The following ASTN2 variants were observed in gnomAD, a reference collection of about 807,000 sequenced individuals.
ASTN2 encodes astrotactin-2.
ASTN2 carries 54 observed loss-of-function variants against 139.8 expected under a neutral mutation model. The ratio of observed to expected loss-of-function variants is 0.39; its 90% CI spans 0.31 to 0.48. The LOEUF (loss-of-function observed/expected upper bound fraction) is 0.48, where lower values mean the gene tolerates loss of function less well. Ranked by LOEUF, ASTN2 falls within the 20% of genes least tolerant of loss-of-function variation. The pLI, the probability that ASTN2 is intolerant of heterozygous loss-of-function variation, is 0.95. For missense variants in ASTN2, 1,565 were observed against 1,725.1 expected, an observed-to-expected ratio of 0.91 and a Z score of 1.64; for synonymous variants, 756 against 719.5, an observed-to-expected ratio of 1.05 and a Z score of -0.81.
At chr9:117,378,482 T>G (rs1451543711) in intron 1 of ASTN2, among the ~76,000 whole-genome samples, 1 of 152,174 alleles carries the variant, frequency 6.6e-6, no homozygotes, top group Non-Finnish European at 1.5e-5. Flanking sequence ...AGCCTTTGAC[T>G]CCTTATTTGC....
At chr9:116,795,575 G>A (rs139719357) in intron 13 of ASTN2, among the ~76,000 whole-genome samples, 4 of 152,346 alleles carry the variant, frequency 2.6e-5, no homozygotes, top group Admixed American at 6.5e-5. Flanking sequence ...AGCATGAAGG[G>A]CTGAGCTTCT....
At chr9:117,102,802 G>A (rs556732467) in intron 4 of ASTN2, among the ~76,000 whole-genome samples, 42 of 152,178 alleles carry the variant, frequency 2.8e-4, no homozygotes, top group African/African-American at 9.4e-4. Flanking sequence ...GATTACAGGC[G>A]TGAGTAACCG....
At chr9:116,969,542 A>G (rs554797996) in intron 10 of ASTN2, among the ~76,000 whole-genome samples, 1 of 152,120 alleles carries the variant, frequency 6.6e-6, no homozygotes, top group Non-Finnish European at 1.5e-5. Flanking sequence ...TGTGCCTGAA[A>G]AAGAAAAACA....
intron 10 of ASTN2, among the ~76,000 whole-genome samples, chr9:116,899,993 C>T (rs371075699): frequency 6.3e-4 from 96 of 152,306 alleles, no homozygotes; most frequent in African/African-American, 2.0e-3. Flanking sequence ...ATTTCATCCC[C>T]AACCCAACAA....
In ASTN2 at chr9:117,400,164, C is replaced by CA. The variant is rs1447042683; in HGVS notation, c.442+14332dup. On this transcript the variant is annotated intron_variant, in intron 1 of 22. Transcript: ENST00000313400. The stretch of plus-strand genomic sequence containing the variant: ...TTACAATATTAATCTTCCCTGAGGT[C>CA]AAAAAAGGACTGCCATTTATTTAAG... 2.0e-5 allele frequency among the ~76,000 whole-genome samples: 3 copies of CA among 152,002 alleles called. No homozygotes were observed. The East Asian group carries it at 5.8e-4, about 29-fold the overall frequency.
Position 116,976,126 on chromosome 9 carries a change from T to G in ASTN2, c.1739A>C (p.Glu580Ala). Residue 580 changes from glutamate to alanine, a missense_variant, in exon 9 of 23, where the codon GAA becomes GCA. Coordinates refer to ENST00000313400, the MANE Select transcript of ASTN2 (RefSeq NM_001365068.1). Reference protein sequence around the residue: ...YDLVTGEQAPEKILRSTFSLG... With the variant: ...YDLVTGEQAPAKILRSTFSLG... Reference sequence around the variant, plus strand: ...AAAGCCAACTCACCTGAGAATCTTTTCAGGGGCTTGCTCCCCTGTCACCAG... The same window carrying G: ...AAAGCCAACTCACCTGAGAATCTTTGCAGGGGCTTGCTCCCCTGTCACCAG... 2 of 1,614,192 alleles carry G rather than the reference T, an allele frequency of 1.2e-6. No individual in the cohort carries two copies. The highest frequency in any genetic ancestry group is 1.7e-6 in the Non-Finnish European group (2 of 1,180,028).
chr9:117,368,210 C>T lies in ASTN2; in HGVS notation c.442+46287G>A, dbSNP rs923825604. Among the ~76,000 whole-genome samples, 5 of 152,132 alleles carry T rather than the reference C, an allele frequency of 3.3e-5. No individual in the cohort carries two copies. The South Asian group carries it at 8.3e-4, about 25-fold the overall frequency. ...AAAGGCACAGCAACAAAAATAGCTT[C>T]CAGGGATCTAGAAGTCTTATCAAAT... On this transcript the variant is annotated intron_variant, in intron 1 of 22. Coordinates refer to ENST00000313400, the MANE Select transcript of ASTN2 (RefSeq NM_001365068.1).
intron 1 of ASTN2, among the ~76,000 whole-genome samples, chr9:117,354,891 T>C (rs575995325): frequency 1.3e-5 from 2 of 152,352 alleles, no homozygotes; most frequent in Admixed American, 6.5e-5. Context: ...GCCCTAGTTA[T>C]AAGTTATCAA....
chr9:116,881,047 G>A (rs1833439276), intron 10 of ASTN2, among the ~76,000 whole-genome samples: 1 of 152,158 alleles, frequency 6.6e-6, no homozygotes, highest in Non-Finnish European at 1.5e-5. Context: ...AGAAAGATGA[G>A]AACATGAGGA....
intron 10 of ASTN2, among the ~76,000 whole-genome samples, chr9:116,927,410 A>G (rs972771846): frequency 2.6e-5 from 4 of 152,174 alleles, no homozygotes; most frequent in Non-Finnish European, 5.9e-5. Context: ...TATATTTATC[A>G]TTACTAACAG....
intron 1 of ASTN2, among the ~76,000 whole-genome samples, chr9:117,395,720 G>A (rs1176653885): frequency 6.6e-6 from 1 of 151,082 alleles, no homozygotes; most frequent in African/African-American, 2.4e-5. Flanking sequence ...AGATAATCTG[G>A]GGAATTGGGG....
chr9:116,596,334 C>T (rs1000443878), intron 19 of ASTN2, among the ~76,000 whole-genome samples: 8 of 152,152 alleles, frequency 5.3e-5, no homozygotes, highest in Admixed American at 1.3e-4. Context: ...TTATGCAAAA[C>T]GAATATGTTC....
intron 1 of ASTN2, among the ~76,000 whole-genome samples, chr9:117,319,538 A>G (rs988752548): frequency 1.7e-4 from 25 of 150,876 alleles, no homozygotes; most frequent in African/African-American, 5.9e-4. Context: ...GGCAATTCTC[A>G]TGCCTCAGCC....
intron 11 of ASTN2, among the ~76,000 whole-genome samples, chr9:116,833,571 G>C (rs1399104238): frequency 6.6e-6 from 1 of 151,806 alleles, no homozygotes; most frequent in Admixed American, 6.6e-5. Context: ...TAAAAGAAAA[G>C]GATGAATCAT....
chr9:116,512,336 G>A (rs73522462), intron 19 of ASTN2, among the ~76,000 whole-genome samples: 1,871 of 152,146 alleles, frequency 0.012, 33 homozygotes, highest in African/African-American at 0.043. Context: ...AAATCTTGAG[G>A]CCTAGTTTGA....
chr9:117,203,051 C>G (rs913884540), intron 3 of ASTN2, among the ~76,000 whole-genome samples: 3 of 151,862 alleles, frequency 2.0e-5, no homozygotes, highest in Non-Finnish European at 4.4e-5. Flanking sequence ...TCTTTTATCT[C>G]TATTCTTGTC....
At chr9:117,289,245 T>C (rs1834526187) in intron 2 of ASTN2, among the ~76,000 whole-genome samples, 1 of 152,118 alleles carries the variant, frequency 6.6e-6, no homozygotes, top group African/African-American at 2.4e-5. Context: ...GACCACACGG[T>C]GGTAGCCTTG....
At chr9:117,180,889 C>A (rs561145616) in intron 3 of ASTN2, 9 of 1,586,894 alleles carry the variant, frequency 5.7e-6, no homozygotes, top group Admixed American at 1.7e-5. Context: ...CTTGGCCCTG[C>A]GCAGGGCCTC....
chr9:117,319,383 A>T (rs1042915856), intron 1 of ASTN2, among the ~76,000 whole-genome samples: 1 of 152,150 alleles, frequency 6.6e-6, no homozygotes, highest in African/African-American at 2.4e-5. Context: ...CTCAACTGTA[A>T]AATGGGGATA....
Sources: gnomAD v4.1 joint callset for allele counts (sites outside exome capture counted in the v4.1 genomes callset) on GRCh38, gnomAD v4.1.1 for gene constraint, MANE v1.5 for transcripts, NCBI Gene and HGNC (gene_info 2026-07-23, HGNC 2026-07-21) for gene names.